CNTNAP5: variants seen among roughly 807,000 people sequenced by gnomAD.
CNTNAP5 encodes the protein contactin associated protein family member 5.
Under a neutral mutation model 150.2 loss-of-function variants are expected in CNTNAP5, and 72 were observed. That is an observed-to-expected ratio of 0.48 (90% confidence interval 0.40 to 0.58). The LOEUF is 0.58. Among genes scored for constraint, CNTNAP5 ranks in the 20% least tolerant of loss-of-function variants. The pLI, the probability that CNTNAP5 is intolerant of heterozygous loss-of-function variation, is 0.00. For missense variants in CNTNAP5, 1,636 were observed against 1,626.2 expected (o/e 1.01, Z -0.10); for synonymous variants, 672 against 619.8 (o/e 1.08, Z -1.25).
intron 13 of CNTNAP5, among the ~76,000 whole-genome samples, chr2:124,685,224 C>T (rs1679164165): frequency 6.6e-6 from 1 of 152,100 alleles, no homozygotes; most frequent in South Asian, 2.1e-4. Flanking sequence ...GCAGGGGGTT[C>T]ATTTCCCTTT....
At chr2:124,860,107 C>A (rs1271851542) in intron 19 of CNTNAP5, among the ~76,000 whole-genome samples, 6 of 151,828 alleles carry the variant, frequency 4.0e-5, no homozygotes, top group African/African-American at 1.5e-4. Flanking sequence ...ATCCCAGCAC[C>A]TTGGGAGGCC....
intron 19 of CNTNAP5, among the ~76,000 whole-genome samples, chr2:124,812,550 T>C (rs1236540531): frequency 2.6e-5 from 4 of 152,168 alleles, no homozygotes; most frequent in Non-Finnish European, 5.9e-5. Context: ...TCATAAGAAA[T>C]ATTTGCAATC....
At chr2:124,856,695 G>A (rs368293509) in intron 19 of CNTNAP5, among the ~76,000 whole-genome samples, 17 of 152,220 alleles carry the variant, frequency 1.1e-4, no homozygotes, top group African/African-American at 3.9e-4. Context: ...ATAATAAAAT[G>A]CCTTGCTACA....
At chr2:124,464,770 C>T (rs1693338185) in intron 6 of CNTNAP5, among the ~76,000 whole-genome samples, 2 of 152,110 alleles carry the variant, frequency 1.3e-5, no homozygotes, top group Admixed American at 6.5e-5. Flanking sequence ...AGAAATTCAT[C>T]CACCCTTGAC....
At chr2:124,645,881 G>A (rs1381550166) in intron 12 of CNTNAP5, among the ~76,000 whole-genome samples, 2 of 152,104 alleles carry the variant, frequency 1.3e-5, no homozygotes, top group East Asian at 3.9e-4. Flanking sequence ...GAGGGAGCAG[G>A]CAGTTCAGAC....
At chr2:124,610,950 G>A (rs1271278178) in intron 12 of CNTNAP5, among the ~76,000 whole-genome samples, 20 of 37,894 alleles carry the variant, frequency 5.3e-4, no homozygotes, top group Non-Finnish European at 6.0e-4. Flanking sequence ...GCGAGACACC[G>A]TCTCAAAAAA....
intron 10 of CNTNAP5, among the ~76,000 whole-genome samples, chr2:124,541,397 C>T (rs187618262): frequency 2.6e-5 from 4 of 151,954 alleles, no homozygotes; most frequent in Admixed American, 1.3e-4. Context: ...ATATAGGCTA[C>T]ACCCCTACAC....
intron 4 of CNTNAP5, among the ~76,000 whole-genome samples, chr2:124,422,710 G>C (rs1361218708): frequency 6.6e-6 from 1 of 152,186 alleles, no homozygotes; most frequent in Non-Finnish European, 1.5e-5. Flanking sequence ...CACGTACAAA[G>C]TTTAGCTGTT....
At chr2:124,430,209 A>G (rs1415724387) in intron 4 of CNTNAP5, among the ~76,000 whole-genome samples, 1 of 152,152 alleles carries the variant, frequency 6.6e-6, no homozygotes. Context: ...AGCGCATGGG[A>G]AAGAGCTCAG....
chr2:124,239,352 C>T (rs1482009978), intron 2 of CNTNAP5, among the ~76,000 whole-genome samples: 1 of 151,970 alleles, frequency 6.6e-6, no homozygotes, highest in African/African-American at 2.4e-5. Context: ...AACTTTAAAG[C>T]ATGATGAGGA....
At chr2:124,202,432 G>C (rs1573832007) in intron 1 of CNTNAP5, among the ~76,000 whole-genome samples, 1 of 152,120 alleles carries the variant, frequency 6.6e-6, no homozygotes, top group Non-Finnish European at 1.5e-5. Context: ...CTTTAGTAGT[G>C]TAATGTTAAT....
chr2:124,165,403 CA>C (rs1381901645), intron 1 of CNTNAP5, among the ~76,000 whole-genome samples: 1 of 152,146 alleles, frequency 6.6e-6, no homozygotes, highest in African/African-American at 2.4e-5. Context: ...GTAGCTGCCG[CA>C]AGGTTTTGAA....
intron 13 of CNTNAP5, among the ~76,000 whole-genome samples, chr2:124,705,706 T>C (rs937765478): frequency 2.0e-5 from 3 of 150,578 alleles, no homozygotes; most frequent in Non-Finnish European, 4.4e-5. Context: ...AAAGAGAGTA[T>C]GAATAGCATA....
chr2:124,178,750 C>T (rs1192597854), intron 1 of CNTNAP5, among the ~76,000 whole-genome samples: 2 of 151,922 alleles, frequency 1.3e-5, no homozygotes, highest in Non-Finnish European at 2.9e-5. Context: ...TTTTAAAGAA[C>T]TTCTAAGTTC....
At chr2:124,854,941 G>A (rs1244498310) in intron 19 of CNTNAP5, among the ~76,000 whole-genome samples, 1 of 152,078 alleles carries the variant, frequency 6.6e-6, no homozygotes, top group East Asian at 1.9e-4. Context: ...ATATTAGGAG[G>A]CAAGTAGGTG....
At chr2:124,313,026 G>A (rs1050345426) in intron 3 of CNTNAP5, among the ~76,000 whole-genome samples, 4 of 152,176 alleles carry the variant, frequency 2.6e-5, no homozygotes, top group African/African-American at 7.2e-5. Context: ...CTTTCATCGG[G>A]GCTATTGAAT....
intron 1 of CNTNAP5, among the ~76,000 whole-genome samples, chr2:124,028,597 G>A (rs1268057117): frequency 6.6e-6 from 1 of 152,056 alleles, no homozygotes; most frequent in Admixed American, 6.6e-5. Flanking sequence ...GGTTTATCCT[G>A]AGGGAATTAG....
At chr2:124,826,820 C>T (rs569307207) in intron 19 of CNTNAP5, among the ~76,000 whole-genome samples, 1 of 152,256 alleles carries the variant, frequency 6.6e-6, no homozygotes, top group South Asian at 2.1e-4. Context: ...AAATGTGTAC[C>T]TTCCCAGACC....
intron 23 of CNTNAP5, among the ~76,000 whole-genome samples, chr2:124,911,834 A>G (rs1460907261): frequency 6.6e-6 from 1 of 152,110 alleles, no homozygotes; most frequent in Non-Finnish European, 1.5e-5. Context: ...CTCATTTCAT[A>G]CAGTTTTCAC....
Sources: allele counts gnomAD v4.1 joint callset (sites outside exome capture counted in the v4.1 genomes callset), GRCh38; gene constraint gnomAD v4.1.1; transcripts MANE v1.5; gene names NCBI Gene and HGNC (gene_info 2026-07-23, HGNC 2026-07-21).